The following NAALADL2 variants were observed in gnomAD, a reference collection of about 807,000 sequenced individuals.
NAALADL2 encodes N-acetylated alpha-linked acidic dipeptidase like 2, also known as inactive N-acetylated-alpha-linked acidic dipeptidase-like protein 2.
Under a neutral mutation model 87.2 loss-of-function variants are expected in NAALADL2, and 76 were observed. The ratio of observed to expected loss-of-function variants is 0.87; its 90% CI spans 0.72 to 1.05. The LOEUF (loss-of-function observed/expected upper bound fraction) is 1.05, where lower values mean the gene tolerates loss of function less well. NAALADL2 is among the 50% of genes least tolerant of loss of function. The pLI, the probability that NAALADL2 is intolerant of heterozygous loss-of-function variation, is 0.00. For missense variants in NAALADL2, 1,089 were observed against 945.8 expected, an observed-to-expected ratio of 1.15 and a Z score of -1.99; for synonymous variants, 354 against 331.0, an observed-to-expected ratio of 1.07 and a Z score of -0.75.
chr3:174,470,960 A>G (rs1408500030), intron 1 of NAALADL2, among the ~76,000 whole-genome samples: 1 of 152,094 alleles, frequency 6.6e-6, no homozygotes, highest in African/African-American at 2.4e-5. Flanking sequence ...AAGTCAGAGG[A>G]ATGCTTTCAT....
At chr3:174,475,506 A>T (rs924436914) in intron 1 of NAALADL2, among the ~76,000 whole-genome samples, 1 of 152,002 alleles carries the variant, frequency 6.6e-6, no homozygotes. Flanking sequence ...TAAAGTTAGA[A>T]TAGTTTATGA....
chr3:175,188,101 A>G (rs1377134811), intron 2 of NAALADL2, among the ~76,000 whole-genome samples: 1 of 152,190 alleles, frequency 6.6e-6, no homozygotes, highest in African/African-American at 2.4e-5. Flanking sequence ...TCATTCTGCA[A>G]TACATGTTGT....
chr3:175,658,169 A>G (rs569084712), intron 11 of NAALADL2, among the ~76,000 whole-genome samples: 1 of 152,120 alleles, frequency 6.6e-6, no homozygotes, highest in African/African-American at 2.4e-5. Flanking sequence ...GCATTTTATC[A>G]TGTCACTATA....
chr3:174,840,080 T>TA (rs1269220599), intron 3 of NAALADL2, among the ~76,000 whole-genome samples: 8 of 151,842 alleles, frequency 5.3e-5, no homozygotes, highest in African/African-American at 1.7e-4. Flanking sequence ...AATTCGTAAT[T>TA]ACAAAAATGT....
chr3:174,616,937 T>C (rs1358704198), intron 2 of NAALADL2, among the ~76,000 whole-genome samples: 1 of 151,892 alleles, frequency 6.6e-6, no homozygotes, highest in Non-Finnish European at 1.5e-5. Flanking sequence ...TGTTGTATTG[T>C]TTTAATAGTC....
At chr3:174,984,712 A>G (rs1745602030) in intron 1 of NAALADL2, among the ~76,000 whole-genome samples, 2 of 152,204 alleles carry the variant, frequency 1.3e-5, no homozygotes, top group Non-Finnish European at 2.9e-5. Context: ...TATGTAAGGT[A>G]TTTGAGAAAT....
intron 1 of NAALADL2, among the ~76,000 whole-genome samples, chr3:174,945,172 T>C (rs1242649470): frequency 8.5e-5 from 13 of 152,324 alleles, no homozygotes. Flanking sequence ...AAAAGAGGTA[T>C]ACCAGAATTA....
At chr3:175,172,550 T>C (rs1286937801) in intron 2 of NAALADL2, among the ~76,000 whole-genome samples, 1 of 152,182 alleles carries the variant, frequency 6.6e-6, no homozygotes, top group Non-Finnish European at 1.5e-5. Flanking sequence ...ATTTAATAAA[T>C]GTCCAGCATT....
chr3:174,528,845 G>A (rs967535258), intron 1 of NAALADL2, among the ~76,000 whole-genome samples: 1 of 152,100 alleles, frequency 6.6e-6, no homozygotes, highest in African/African-American at 2.4e-5. Context: ...GCATGGGAAA[G>A]ATTTGCCTGC....
chr3:175,218,607 T>G (rs1185439127), intron 2 of NAALADL2, among the ~76,000 whole-genome samples: 1 of 152,148 alleles, frequency 6.6e-6, no homozygotes, highest in East Asian at 1.9e-4. Context: ...AATATAACAG[T>G]TATTTTCACA....
At chr3:174,509,989 T>C (rs1323338538) in intron 1 of NAALADL2, among the ~76,000 whole-genome samples, 1 of 152,204 alleles carries the variant, frequency 6.6e-6, no homozygotes, top group Non-Finnish European at 1.5e-5. Flanking sequence ...TTTTGACATC[T>C]GTTGAGATGA....
intron 13 of NAALADL2, among the ~76,000 whole-genome samples, chr3:175,781,695 CAT>C (rs1234951046): frequency 2.0e-5 from 3 of 148,216 alleles, no homozygotes; most frequent in African/African-American, 5.0e-5. Context: ...AAAAAATTAA[CAT>C]AACGCTTTTA....
At chr3:175,425,388 A>G (rs549904172) in intron 5 of NAALADL2, among the ~76,000 whole-genome samples, 4 of 152,268 alleles carry the variant, frequency 2.6e-5, no homozygotes, top group East Asian at 3.9e-4. Flanking sequence ...TCCTCCTGCT[A>G]CCATCAAGCA....
At chr3:175,502,843 C>G (rs1010199873) in intron 9 of NAALADL2, among the ~76,000 whole-genome samples, 2 of 151,976 alleles carry the variant, frequency 1.3e-5, no homozygotes, top group African/African-American at 4.8e-5. Context: ...TACCTCAAAT[C>G]TCACCCATAC....
At chr3:175,670,354 C>T (rs1021788015) in intron 11 of NAALADL2, among the ~76,000 whole-genome samples, 1 of 148,138 alleles carries the variant, frequency 6.8e-6, no homozygotes, top group African/African-American at 2.5e-5. Context: ...TTGACTTTCA[C>T]TTTACTTTTT....
chr3:174,822,586 A>T (rs1721551503), intron 3 of NAALADL2, among the ~76,000 whole-genome samples: 1 of 152,188 alleles, frequency 6.6e-6, no homozygotes, highest in South Asian at 2.1e-4. Context: ...AGAGAAAATC[A>T]GCTCAGAAAA....
chr3:175,085,691 T>G (rs9839017), intron 1 of NAALADL2, among the ~76,000 whole-genome samples: 106,286 of 151,978 alleles, frequency 0.7, 37,781 homozygotes, highest in African/African-American at 0.83. Context: ...TTGGGAGGCC[T>G]AGCAGATCAT....
At chr3:174,771,826 A>T (rs1384852872) in intron 3 of NAALADL2, among the ~76,000 whole-genome samples, 1 of 152,178 alleles carries the variant, frequency 6.6e-6, no homozygotes, top group East Asian at 1.9e-4. Flanking sequence ...TAAGTGGAAA[A>T]TTTCAGACAT....
chr3:174,734,532 CA>C (rs1268789274), intron 2 of NAALADL2, among the ~76,000 whole-genome samples: 1 of 152,118 alleles, frequency 6.6e-6, no homozygotes, highest in Non-Finnish European at 1.5e-5. Flanking sequence ...AGAGAGTGTG[CA>C]AACTCTCAGG....
Sources: allele counts gnomAD v4.1 joint callset (sites outside exome capture counted in the v4.1 genomes callset), GRCh38; gene constraint gnomAD v4.1.1; transcripts MANE v1.5; gene names NCBI Gene and HGNC (gene_info 2026-07-23, HGNC 2026-07-21).